The following FBXW2 variants were observed in gnomAD, a reference collection of about 807,000 sequenced individuals.
FBXW2 encodes F-box and WD repeat domain containing 2.
In FBXW2, 12 loss-of-function variants were observed where a neutral mutation model predicts 46.0. That is an observed-to-expected ratio of 0.26 (90% CI 0.17 to 0.42). The LOEUF (loss-of-function observed/expected upper bound fraction) is 0.42. Ranked by LOEUF, FBXW2 falls within the 10% of genes least tolerant of loss-of-function variation. The pLI, the probability that FBXW2 is intolerant of heterozygous loss-of-function variation, is 1.00. For synonymous variants in FBXW2, 203 were observed against 209.6 expected (o/e 0.97, Z 0.27); for missense variants, 360 against 537.0 (o/e 0.67, Z 3.26).
In FBXW2 at chr9:120,762,646, A is replaced by G. The variant is rs1259661893; in HGVS notation, c.*1913T>C. Reference sequence around the variant, plus strand: ...ACTCAGAGGTCCAGAGTCTGGCTCTATGCTAATGCAGATTCTGCAAGAGAT... The same window carrying G: ...ACTCAGAGGTCCAGAGTCTGGCTCTGTGCTAATGCAGATTCTGCAAGAGAT... On this transcript the variant is annotated 3_prime_UTR_variant, in exon 8 of 8. Coordinates refer to ENST00000608872, the MANE Select transcript of FBXW2 (RefSeq NM_012164.4). 6.6e-6 allele frequency: 1 copy of G among 152,226 alleles called. No individual in the cohort carries two copies. Among genetic ancestry groups the G allele is most frequent in the African/African-American group, 2.4e-5 (1 of 41,454 alleles). 9.4% of individuals were successfully genotyped at this position (152,226 alleles called of 1,614,324 possible).
At chr9:120,776,336 C>T (rs1173746629) in intron 4 of FBXW2, 110 bp from the exon 5 acceptor site, 1 of 1,271,698 alleles carries the variant, frequency 7.9e-7, no homozygotes, top group Non-Finnish European at 1.1e-6. Flanking sequence ...CAACCAGAGA[C>T]ACCGTAAGAA....
At chr9:120,779,787 C>A (rs10985034) in intron 3 of FBXW2, among the ~76,000 whole-genome samples, 18,363 of 152,078 alleles carry the variant, frequency 0.12, 1,261 homozygotes, top group Middle Eastern at 0.17. Flanking sequence ...TGGTCTAGAA[C>A]GGTGCTATCC....
In FBXW2 at chr9:120,758,069, T is replaced by C. The variant is rs1001811124; in HGVS notation, c.*6490A>G. On this transcript the variant is annotated 3_prime_UTR_variant, in exon 8 of 8. Coordinates refer to ENST00000608872, the MANE Select transcript of FBXW2 (RefSeq NM_012164.4). ...GTTGCTGGGGAAACCAGGTATTCACTTGTATTTTGGAAAAAACTGAGAATC... is the reference window on the plus strand; with the variant it reads ...GTTGCTGGGGAAACCAGGTATTCACCTGTATTTTGGAAAAAACTGAGAATC... 1 of 152,234 alleles carries C rather than the reference T, an allele frequency of 6.6e-6. No individual in the cohort carries two copies. Among genetic ancestry groups the C allele is most frequent in the Admixed American group, 6.5e-5 (1 of 15,280 alleles). 9.4% of individuals were successfully genotyped at this position (152,234 alleles called of 1,614,324 possible).
intron 2 of FBXW2, among the ~76,000 whole-genome samples, chr9:120,791,886 T>G (rs1191815163): frequency 6.6e-6 from 1 of 152,124 alleles, no homozygotes; most frequent in African/African-American, 2.4e-5. Flanking sequence ...TCAGTATCAA[T>G]AATCACAAAG....
At chr9:120,771,256 C>T in intron 7 of FBXW2, 92 bp downstream of exon 7, 5 of 1,220,106 alleles carry the variant, frequency 4.1e-6, no homozygotes, top group Middle Eastern at 2.0e-4. Context: ...AAGCCAGCTA[C>T]TGACTGGTAC....
intron 7 of FBXW2, among the ~76,000 whole-genome samples, chr9:120,770,195 T>A (rs1364921180): frequency 6.6e-6 from 1 of 152,034 alleles, no homozygotes; most frequent in Non-Finnish European, 1.5e-5. Flanking sequence ...CCTAGCACAG[T>A]GAAACCCCGT....
chr9:120,790,769 A>T (rs2044821378), intron 2 of FBXW2, among the ~76,000 whole-genome samples: 1 of 152,168 alleles, frequency 6.6e-6, no homozygotes, highest in East Asian at 1.9e-4. Context: ...ATTCACATGT[A>T]TACCTATGTA....
At chr9:120,785,572 A>C (rs2044702574) in intron 3 of FBXW2, among the ~76,000 whole-genome samples, 1 of 152,224 alleles carries the variant, frequency 6.6e-6, no homozygotes, top group African/African-American at 2.4e-5. Flanking sequence ...ACATACCCTT[A>C]ATGAATAAAG....
Position 120,776,168 on chromosome 9 carries a change from G to A in FBXW2, c.744C>T (p.Phe248=). Residue 248 remains phenylalanine, a synonymous_variant, in exon 5 of 8, where the codon TTC becomes TTT. Coordinates refer to ENST00000608872, the MANE Select transcript of FBXW2 (RefSeq NM_012164.4). The part of the protein sequence containing the change: ...LDILVSGSAD[F]TVKVWALSAG... ...CAGATAAAGCCCATACTTTCACAGT[G>A]AAGTCTGCAGAGCCGCTCACCAAGA... 1 of 1,614,116 alleles carries A rather than the reference G, an allele frequency of 6.2e-7. No homozygotes were observed. Among genetic ancestry groups the A allele is most frequent in the Non-Finnish European group, 8.5e-7 (1 of 1,180,016 alleles).
chr9:120,772,101 T>A (rs528135571), intron 6 of FBXW2, among the ~76,000 whole-genome samples: 1 of 148,620 alleles, frequency 6.7e-6, no homozygotes, highest in Non-Finnish European at 1.5e-5. Context: ...AGTAAGAATG[T>A]GAGAGTACTT....
chr9:120,776,030 C>T, intron 5 of FBXW2, 63 bp downstream of exon 5: 6 of 1,591,452 alleles, frequency 3.8e-6, no homozygotes, highest in Non-Finnish European at 4.3e-6. Context: ...GCAGTGTCTA[C>T]CATCCTCCAC....
chr9:120,783,142 G>C (rs914277471), intron 3 of FBXW2, among the ~76,000 whole-genome samples: 185 of 151,946 alleles, frequency 1.2e-3, no homozygotes, highest in African/African-American at 4.4e-3. Context: ...ATTTAAACTA[G>C]TTTTTATAGG....
chr9:120,768,171 T>A (rs574384782), intron 7 of FBXW2, among the ~76,000 whole-genome samples: 1 of 152,320 alleles, frequency 6.6e-6, no homozygotes, highest in South Asian at 2.1e-4. Flanking sequence ...AATTCCTCAC[T>A]GTACACCCAC....
intron 7 of FBXW2, among the ~76,000 whole-genome samples, chr9:120,769,403 A>C (rs1416524306): frequency 6.6e-6 from 1 of 152,194 alleles, no homozygotes; most frequent in African/African-American, 2.4e-5. Context: ...CAAACACTAA[A>C]AACTAGCAAC....
intron 5 of FBXW2, among the ~76,000 whole-genome samples, chr9:120,773,953 G>A (rs1250877450): frequency 1.3e-5 from 2 of 152,210 alleles, no homozygotes; most frequent in Non-Finnish European, 2.9e-5. Context: ...CACTTTGAGA[G>A]GCCGAGGAGG....
At chr9:120,793,078 C>G (rs1413525462) in intron 2 of FBXW2, 71 bp downstream of exon 2, 3 of 885,898 alleles carry the variant, frequency 3.4e-6, no homozygotes, top group Non-Finnish European at 5.3e-6. Flanking sequence ...TCTCTAAAAT[C>G]CAGATCCCAT....
At chr9:120,775,732 T>G (rs910093697) in intron 5 of FBXW2, among the ~76,000 whole-genome samples, 3 of 152,196 alleles carry the variant, frequency 2.0e-5, no homozygotes, top group Admixed American at 6.5e-5. Flanking sequence ...ATGTTTATTC[T>G]AAAGGGAAAA....
At chr9:120,785,439 G>C (rs2131363818) in intron 3 of FBXW2, among the ~76,000 whole-genome samples, 1 of 152,232 alleles carries the variant, frequency 6.6e-6, no homozygotes, top group South Asian at 2.1e-4. Flanking sequence ...TGTAACACAA[G>C]GAAAATAAAG....
At chr9:120,784,856 G>A (rs1399033281) in intron 3 of FBXW2, among the ~76,000 whole-genome samples, 2 of 150,870 alleles carry the variant, frequency 1.3e-5, no homozygotes, top group East Asian at 4.0e-4. Context: ...AGGAGGAGGA[G>A]GTTGCAGTGA....
Sources: gnomAD v4.1 joint callset for allele counts (sites outside exome capture counted in the v4.1 genomes callset) on GRCh38, gnomAD v4.1.1 for gene constraint, MANE v1.5 for transcripts, NCBI Gene and HGNC (gene_info 2026-07-23, HGNC 2026-07-21) for gene names.